CLOCK: variants seen among roughly 807,000 people sequenced by gnomAD.
CLOCK encodes the protein clock circadian regulator.
Under a neutral mutation model 118.4 loss-of-function variants are expected in CLOCK, and 43 were observed. The observed-to-expected ratio is 0.36, with a 90% CI of 0.28 to 0.47. The LOEUF is 0.47. Ranked by LOEUF, CLOCK falls within the 20% of genes least tolerant of loss-of-function variation. CLOCK has a pLI of 1.00. For synonymous variants in CLOCK, 326 were observed against 339.2 expected (o/e 0.96, Z 0.43); for missense variants, 846 against 999.9 (o/e 0.85, Z 2.08).
intron 1 of CLOCK, among the ~76,000 whole-genome samples, chr4:55,519,659 T>C (rs1476278271): frequency 1.3e-5 from 2 of 151,790 alleles, no homozygotes; most frequent in Non-Finnish European, 2.9e-5. Context: ...ACTTCTGTAA[T>C]CCCAGCTACT....
chr4:55,449,067 C>A (rs1724197630), intron 17 of CLOCK, among the ~76,000 whole-genome samples, 199 bp from the exon 18 acceptor site: 1 of 151,912 alleles, frequency 6.6e-6, no homozygotes, highest in African/African-American at 2.4e-5. Flanking sequence ...AAGGAACTTC[C>A]TACAGTACCT....
rs751205341 is a variant in CLOCK, at chr4:55,455,864, T to C, written c.982+33A>G. On this transcript the variant is annotated intron_variant, in intron 13 of 22. Transcript: ENST00000513440. ...GACAGGACTTCTGCTTATAAAACAGTTATTATCACCAGAAATGTTAAAATC... is the reference window on the plus strand; with the variant it reads ...GACAGGACTTCTGCTTATAAAACAGCTATTATCACCAGAAATGTTAAAATC... The C allele has an allele frequency of 1.7e-5, 23 of 1,377,398 alleles. No individual in the cohort carries two copies. In the South Asian group the frequency reaches 2.5e-4, roughly 15 times the overall value. 85.3% of individuals were successfully genotyped at this position (1,377,398 alleles called of 1,614,324 possible).
At chr4:55,531,901 T>TAAAAA (rs35140581) in intron 1 of CLOCK, among the ~76,000 whole-genome samples, 1 of 145,634 alleles carries the variant, frequency 6.9e-6, no homozygotes, top group Admixed American at 6.9e-5. Flanking sequence ...TTTTAAATGT[T>TAAAAA]AAAAAAAACA....
intron 19 of CLOCK, 28 bp downstream of exon 19, chr4:55,444,605 T>C: frequency 6.2e-7 from 1 of 1,613,754 alleles, no homozygotes; most frequent in Non-Finnish European, 8.5e-7. Flanking sequence ...AATGGGATGC[T>C]TTGTTTGTAT....
chr4:55,449,840 TC>T, intron 16 of CLOCK, among the ~76,000 whole-genome samples: 1 of 152,290 alleles, frequency 6.6e-6, no homozygotes, highest in Non-Finnish European at 1.5e-5. Flanking sequence ...TAGTTGCCTT[TC>T]TTTTTGAGGG....
At chr4:55,500,601 G>A (rs892341813) in intron 2 of CLOCK, among the ~76,000 whole-genome samples, 9 of 151,056 alleles carry the variant, frequency 6.0e-5, no homozygotes, top group African/African-American at 1.9e-4. Flanking sequence ...TCCTCCTGCC[G>A]TGACCTCCCA....
chr4:55,496,416 T>G (rs1042765866), intron 2 of CLOCK, among the ~76,000 whole-genome samples: 6 of 152,160 alleles, frequency 3.9e-5, no homozygotes, highest in African/African-American at 1.2e-4. Flanking sequence ...ATGTTGTTAA[T>G]TACCTTCTAT....
intron 11 of CLOCK, among the ~76,000 whole-genome samples, chr4:55,457,464 T>C (rs964500369): frequency 6.6e-6 from 1 of 152,210 alleles, no homozygotes; most frequent in Non-Finnish European, 1.5e-5. Context: ...CCAGTCTCCC[T>C]GTCCTTCAAC....
chr4:55,437,016 T>C (rs1307979474), intron 22 of CLOCK, among the ~76,000 whole-genome samples: 3 of 151,944 alleles, frequency 2.0e-5, no homozygotes, highest in African/African-American at 7.3e-5. Context: ...TAATTCTCAT[T>C]GGATACATTT....
At chr4:55,528,527 T>C (rs572339199) in intron 1 of CLOCK, among the ~76,000 whole-genome samples, 2 of 151,892 alleles carry the variant, frequency 1.3e-5, no homozygotes, top group South Asian at 2.1e-4. Flanking sequence ...GATGAGCACA[T>C]AAAAACAAAC....
rs780255204 is a variant in CLOCK, at chr4:55,453,841, G to C, written c.983-17C>G. ...ATTGCATTACTAAAAGGAAAATAGA[G>C]AAATATTTTTTCTTTAATTCATATT... On this transcript the variant is annotated splice_polypyrimidine_tract_variant and intron_variant, in intron 13 of 22. Transcript: ENST00000513440. 1 of 1,558,318 alleles carries C rather than the reference G, an allele frequency of 6.4e-7. No individual in the cohort carries two copies. The highest frequency in any genetic ancestry group is 1.2e-5 in the South Asian group (1 of 84,288).
At chr4:55,536,876 CA>C (rs1332692339) in intron 1 of CLOCK, among the ~76,000 whole-genome samples, 3 of 151,706 alleles carry the variant, frequency 2.0e-5, no homozygotes, top group African/African-American at 7.3e-5. Context: ...GAGACATAAA[CA>C]AAACAATCAA....
At chr4:55,460,717 A>ACCTTTCTTTGCT (rs1445163037) in intron 9 of CLOCK, among the ~76,000 whole-genome samples, 3 of 152,140 alleles carry the variant, frequency 2.0e-5, no homozygotes, top group African/African-American at 7.2e-5. Context: ...TTCCGCACTC[A>ACCTTTCTTTGCT]AGGACTAGTA....
At chr4:55,462,638 T>C (rs552205794) in intron 9 of CLOCK, among the ~76,000 whole-genome samples, 4 of 152,206 alleles carry the variant, frequency 2.6e-5, no homozygotes, top group Non-Finnish European at 5.9e-5. Context: ...AGCAATCCAT[T>C]CCATCCATGG....
intron 22 of CLOCK, among the ~76,000 whole-genome samples, chr4:55,436,391 G>C (rs1722878401): frequency 6.6e-6 from 1 of 152,168 alleles, no homozygotes; most frequent in South Asian, 2.1e-4. Context: ...GACTCAAATA[G>C]ATGAGCCTCT....
chr4:55,431,270 C>A lies in CLOCK; in HGVS notation c.*4145G>T, dbSNP rs539807043. ...TGGTAGGCTGACAATAGGCACATTA[C>A]CCATGCGGATGAGGCTATACTAGTG... On this transcript the variant is annotated 3_prime_UTR_variant, in exon 23 of 23. Transcript: ENST00000513440. 2.0e-5 allele frequency: 3 copies of A among 152,056 alleles called. No individual in the cohort carries two copies. 9.4% of individuals were successfully genotyped at this position (152,056 alleles called of 1,614,324 possible).
intron 9 of CLOCK, among the ~76,000 whole-genome samples, chr4:55,460,337 C>G (rs1025313575): frequency 1.1e-4 from 16 of 152,172 alleles, no homozygotes; most frequent in African/African-American, 3.9e-4. Flanking sequence ...TAGCATTTTA[C>G]GTGAGACAAA....
intron 3 of CLOCK, among the ~76,000 whole-genome samples, chr4:55,486,778 C>G (rs1446041376): frequency 6.6e-6 from 1 of 152,136 alleles, no homozygotes; most frequent in African/African-American, 2.4e-5. Context: ...ATTTATTTCA[C>G]TCTGGAAACT....
intron 2 of CLOCK, among the ~76,000 whole-genome samples, chr4:55,498,606 A>ATTC (rs746119781): frequency 2.6e-4 from 37 of 141,188 alleles, no homozygotes; most frequent in Non-Finnish European, 5.7e-4. Context: ...CTAGTTCCTT[A>ATTC]TTATTATTAT....
Sources: allele counts gnomAD v4.1 joint callset (sites outside exome capture counted in the v4.1 genomes callset), GRCh38; gene constraint gnomAD v4.1.1; transcripts MANE v1.5; gene names NCBI Gene and HGNC (gene_info 2026-07-23, HGNC 2026-07-21).